The following TLCD4 variants were observed in gnomAD, a reference collection of about 807,000 sequenced individuals.
TLCD4 encodes TLC domain-containing protein 4.
A neutral mutation model predicts 24.2 loss-of-function variants in TLCD4; 7 were observed. The ratio of observed to expected loss-of-function variants is 0.29; its 90% confidence interval spans 0.16 to 0.54. The LOEUF (loss-of-function observed/expected upper bound fraction) is 0.54, where lower values mean the gene tolerates loss of function less well. Ranked by LOEUF, TLCD4 falls within the 20% of genes least tolerant of loss-of-function variation. The pLI, the probability that TLCD4 is intolerant of heterozygous loss-of-function variation, is 0.95. For missense variants in TLCD4, 259 were observed against 313.9 expected, an observed-to-expected ratio of 0.82 and a Z score of 1.32; for synonymous variants, 103 against 106.4, an observed-to-expected ratio of 0.97 and a Z score of 0.20.
At chr1:95,184,711 G>A (rs780788038) in intron 6 of TLCD4, among the ~76,000 whole-genome samples, 4 of 152,124 alleles carry the variant, frequency 2.6e-5, no homozygotes, top group Non-Finnish European at 5.9e-5. Flanking sequence ...CTTCCCACAT[G>A]CATGTTTTCC....
intron 1 of TLCD4, among the ~76,000 whole-genome samples, chr1:95,130,238 C>T (rs539723223): frequency 1.8e-4 from 28 of 152,044 alleles, no homozygotes; most frequent in Non-Finnish European, 2.5e-4. Context: ...CTGCAGCCTC[C>T]GCCTCCCAGG....
chr1:95,173,850 G>A lies in TLCD4; in HGVS notation c.434G>A (p.Arg145His), dbSNP rs761741983. The change falls in exon 6 of 7, where the codon CGC becomes CAC. Residue 145 changes from arginine to histidine, a missense_variant. Arg to His is a conservative substitution (Grantham distance 29, BLOSUM62 0). Coordinates refer to ENST00000370203, the MANE Select transcript of TLCD4 (RefSeq NM_152487.3). The stretch of plus-strand genomic sequence containing the variant: ...GTGCTGGCATACATTGGGAATTTTC[G>A]CCTGCTTGCAGAGCTTTCCAGCCCG... ...NGVLAYIGNF[R>H]LLAELSSPFV... 3 of 1,613,960 alleles carry A rather than the reference G, an allele frequency of 1.9e-6. No homozygotes were observed. The highest frequency in any genetic ancestry group is 1.6e-4 in the Middle Eastern group (1 of 6,062).
At chr1:95,189,992 C>G (rs143026060) in intron 6 of TLCD4, among the ~76,000 whole-genome samples, 1 of 152,244 alleles carries the variant, frequency 6.6e-6, no homozygotes, top group Admixed American at 6.5e-5. Flanking sequence ...AATGTGTGTT[C>G]CTCTTGTTCC....
intron 1 of TLCD4, among the ~76,000 whole-genome samples, chr1:95,138,013 C>T (rs1677096086): frequency 6.6e-6 from 1 of 152,166 alleles, no homozygotes; most frequent in South Asian, 2.1e-4. Context: ...GCTGGAATTA[C>T]AGGCATGAGC....
At chr1:95,121,671 G>C (rs1266214447) in intron 1 of TLCD4, among the ~76,000 whole-genome samples, 5 of 152,142 alleles carry the variant, frequency 3.3e-5, no homozygotes, top group Non-Finnish European at 7.3e-5. Context: ...GGGTTTCACC[G>C]TGTTGGCCAG....
At chr1:95,148,837 G>A in intron 3 of TLCD4, 46 bp downstream of exon 3, 1 of 1,597,106 alleles carries the variant, frequency 6.3e-7, no homozygotes, top group Non-Finnish European at 8.5e-7. Context: ...TTTATGTTTT[G>A]ATATTAATTA....
chr1:95,134,800 C>T (rs920658250), intron 1 of TLCD4, among the ~76,000 whole-genome samples: 5 of 152,158 alleles, frequency 3.3e-5, no homozygotes, highest in African/African-American at 1.2e-4. Flanking sequence ...ATTGTATGTC[C>T]TGTGTGCTGC....
chr1:95,185,438 G>A (rs549301738), intron 6 of TLCD4, among the ~76,000 whole-genome samples: 28 of 152,254 alleles, frequency 1.8e-4, no homozygotes, highest in Admixed American at 1.2e-3. Flanking sequence ...GTTGACTCCC[G>A]AACAACATGG....
chr1:95,141,439 C>T (rs920885571), intron 1 of TLCD4, among the ~76,000 whole-genome samples: 3 of 152,142 alleles, frequency 2.0e-5, no homozygotes, highest in East Asian at 3.9e-4. Flanking sequence ...AGAGAGCATA[C>T]GAAAGTCTTC....
At chr1:95,157,389 T>C (rs994969047) in intron 5 of TLCD4, among the ~76,000 whole-genome samples, 2 of 152,140 alleles carry the variant, frequency 1.3e-5, no homozygotes, top group Admixed American at 6.5e-5. Flanking sequence ...TCTGGCAATC[T>C]TGGGTCAGAA....
chr1:95,119,403 G>A (rs1034045721), intron 1 of TLCD4, among the ~76,000 whole-genome samples: 1 of 152,188 alleles, frequency 6.6e-6, no homozygotes, highest in African/African-American at 2.4e-5. Context: ...GACTGATTAA[G>A]AGCCTTCCCT....
intron 1 of TLCD4, chr1:95,120,211 G>A (rs1676533542): frequency 6.6e-6 from 1 of 152,236 alleles, no homozygotes. Flanking sequence ...CTGAACATTA[G>A]GAATGAGCTG....
At chr1:95,150,026 A>G (rs1174615021) in intron 3 of TLCD4, among the ~76,000 whole-genome samples, 182 bp from the exon 4 acceptor site, 1 of 152,174 alleles carries the variant, frequency 6.6e-6, no homozygotes. Context: ...CCAGTACCAC[A>G]TGATGCGTCA....
At chr1:95,162,150 G>T (rs1451716648) in intron 5 of TLCD4, among the ~76,000 whole-genome samples, 7 of 151,480 alleles carry the variant, frequency 4.6e-5, no homozygotes, top group African/African-American at 1.7e-4. Flanking sequence ...CTCTTTGTAG[G>T]TCTCTAAGGA....
At chr1:95,134,092 G>A (rs896361423) in intron 1 of TLCD4, among the ~76,000 whole-genome samples, 6 of 152,156 alleles carry the variant, frequency 3.9e-5, no homozygotes, top group Middle Eastern at 3.4e-3. Context: ...TACTTGAAGC[G>A]TTATTTTCGA....
Position 95,196,952 on chromosome 1 carries a change from G to C in TLCD4, c.*5084G>C, listed in dbSNP as rs1679222344. The C allele has an allele frequency of 6.6e-6, 1 of 151,990 alleles. No homozygotes were observed. The allele number at this position is 151,990 out of a possible 1,614,324, so 9.4% of individuals were successfully genotyped here. On this transcript the variant is annotated 3_prime_UTR_variant, in exon 7 of 7. Coordinates refer to ENST00000370203, the MANE Select transcript of TLCD4 (RefSeq NM_152487.3). ...AACTTGTAAATAGGATAAGTTATGA[G>C]ATTTTTTGGTATTAGAATTTGTAAT... is the stretch of plus-strand genomic sequence containing the variant.
rs1679033614 is a variant in TLCD4, at chr1:95,191,641, A to G, written c.565A>G (p.Ile189Val). 3 of 1,614,170 alleles carry G rather than the reference A, an allele frequency of 1.9e-6. No homozygotes were observed. The East Asian group carries it at 6.7e-5, about 36-fold the overall frequency. Residue 189 changes from isoleucine (I) to valine (V), a missense_variant, in exon 7 of 7, where the codon ATT becomes GTT. Coordinates refer to ENST00000370203, the MANE Select transcript of TLCD4 (RefSeq NM_152487.3). ...LMTVVFFIVR[I>V]ASMLPHYGFM... ...GACAGTAGTATTCTTCATCGTGCGG[A>G]TTGCCTCAATGCTTCCTCATTATGG...
the TLCD4 span, among the ~76,000 whole-genome samples, chr1:95,104,391 A>G: frequency 2.0e-5 from 3 of 152,096 alleles, no homozygotes; most frequent in Non-Finnish European, 4.4e-5. Context: ...CGGGCCAGGC[A>G]CGGTGGCTCA....
chr1:95,111,403 T>C, the TLCD4 span, among the ~76,000 whole-genome samples: 1 of 152,168 alleles, frequency 6.6e-6, no homozygotes, highest in Admixed American at 6.5e-5. Context: ...CTTTCTGTTA[T>C]TAATTATTTT....
Sources: allele counts gnomAD v4.1 joint callset (sites outside exome capture counted in the v4.1 genomes callset), GRCh38; gene constraint gnomAD v4.1.1; transcripts MANE v1.5; gene names NCBI Gene and HGNC (gene_info 2026-07-23, HGNC 2026-07-21).